The following PRKCA variants were observed in gnomAD, a reference collection of about 807,000 sequenced individuals.
The protein encoded by PRKCA is protein kinase C alpha type.
PRKCA carries 27 observed loss-of-function variants against 87.0 expected under a neutral mutation model. The ratio of observed to expected loss-of-function variants is 0.31; its 90% confidence interval spans 0.23 to 0.43. The LOEUF is 0.43. Among genes scored for constraint, PRKCA ranks in the 20% least tolerant of loss-of-function variants. The pLI is 1.00. For synonymous variants in PRKCA, 329 were observed against 311.1 expected (o/e 1.06, Z -0.61); for missense variants, 518 against 852.3 (o/e 0.61, Z 4.88).
intron 2 of PRKCA, among the ~76,000 whole-genome samples, chr17:66,482,844 C>T (rs1438605571): frequency 6.6e-6 from 1 of 152,224 alleles, no homozygotes; most frequent in Non-Finnish European, 1.5e-5. Context: ...ACTAATGCCT[C>T]AGATGTTTTT....
intron 2 of PRKCA, among the ~76,000 whole-genome samples, chr17:66,453,458 C>T (rs1206430490): frequency 6.6e-6 from 1 of 152,042 alleles, no homozygotes; most frequent in African/African-American, 2.4e-5. Flanking sequence ...GCTGAGATTA[C>T]AGGCGCCCGC....
intron 2 of PRKCA, among the ~76,000 whole-genome samples, chr17:66,370,988 T>A (rs990416712): frequency 2.0e-5 from 3 of 152,178 alleles, no homozygotes; most frequent in Non-Finnish European, 4.4e-5. Flanking sequence ...CCTGTAGCAT[T>A]TCTCCTTAGT....
intron 5 of PRKCA, among the ~76,000 whole-genome samples, chr17:66,663,721 G>A (rs754606017): frequency 3.3e-5 from 5 of 152,152 alleles, no homozygotes; most frequent in Admixed American, 1.3e-4. Flanking sequence ...TACAAATGGA[G>A]CAATTTTCTT....
At chr17:66,336,702 GT>G (rs1310077029) in intron 2 of PRKCA, among the ~76,000 whole-genome samples, 2 of 86,096 alleles carry the variant, frequency 2.3e-5, no homozygotes, top group Non-Finnish European at 6.3e-5. Context: ...CATATATAAT[GT>G]TTTACCCTTC....
chr17:66,410,926 G>A (rs768844141), intron 2 of PRKCA, among the ~76,000 whole-genome samples: 6 of 152,080 alleles, frequency 3.9e-5, no homozygotes, highest in East Asian at 1.9e-4. Flanking sequence ...TCATGTGTGC[G>A]CTCTACTCTG....
rs1555612345 is a variant in PRKCA at position 66,509,174 on chromosome 17, GTGTA to G, written c.288+12895_288+12898del. On this transcript the variant is annotated intron_variant, in intron 3 of 16. Coordinates refer to ENST00000413366, the MANE Select transcript of PRKCA (RefSeq NM_002737.3). ...CCAGAGAAAAGGAACGTGTGTGTGT[GTGTA>G]TGTGTGTGTGTGTGTGTGTGTGTGT... Among the ~76,000 whole-genome samples the G allele has an allele frequency of 1.2e-4, 14 of 120,986 alleles. 1 individual carries two copies. The highest frequency in any genetic ancestry group is 5.6e-4 in the South Asian group (2 of 3,598). The allele number at this position is 120,986 out of a possible 152,430, so 79.4% of individuals were successfully genotyped here. A position where few individuals can be genotyped will look rare whatever the true frequency, so the allele number is the denominator to read the frequency against.
chr17:66,682,709 G>T (rs768180866), intron 5 of PRKCA, among the ~76,000 whole-genome samples: 2 of 147,240 alleles, frequency 1.4e-5, no homozygotes, highest in Admixed American at 6.6e-5. Context: ...GTGTGATTTT[G>T]TTGTTGTTGT....
Position 66,726,618 on chromosome 17 carries a change from G to A in PRKCA, c.919-6070G>A, listed in dbSNP as rs561117337. Among the ~76,000 whole-genome samples, 29 of 152,266 alleles carry A rather than the reference G, an allele frequency of 1.9e-4. No homozygotes were observed. In the South Asian group the frequency reaches 5.8e-3, roughly 31 times the overall value. ...TGGGACCGAGGCGGAGGGAGTGGTG[G>A]GAAATAAGCCGAGAGACAGAGCAGA... On this transcript the variant is annotated intron_variant, in intron 8 of 16. Transcript: ENST00000413366.
intron 3 of PRKCA, among the ~76,000 whole-genome samples, chr17:66,634,364 C>T (rs2143763863): frequency 6.6e-6 from 1 of 152,260 alleles, no homozygotes. Context: ...AATATAATGT[C>T]AGGCTTGTGA....
At chr17:66,801,963 G>C (rs1247366546) in intron 16 of PRKCA, among the ~76,000 whole-genome samples, 1 of 152,206 alleles carries the variant, frequency 6.6e-6, no homozygotes, top group Non-Finnish European at 1.5e-5. Flanking sequence ...GCTCACACCT[G>C]TAATCCCAGT....
intron 8 of PRKCA, among the ~76,000 whole-genome samples, chr17:66,713,188 A>T (rs143285178): frequency 6.6e-6 from 1 of 151,256 alleles, no homozygotes; most frequent in African/African-American, 2.4e-5. Flanking sequence ...AGTAGCTGGG[A>T]CTACAGGCAC....
chr17:66,512,544 C>T (rs1917285110), intron 3 of PRKCA, among the ~76,000 whole-genome samples: 1 of 151,698 alleles, frequency 6.6e-6, no homozygotes, highest in South Asian at 2.1e-4. Flanking sequence ...GATCTGGCTC[C>T]TGCACACCTC....
chr17:66,386,328 C>T (rs949527464), intron 2 of PRKCA, among the ~76,000 whole-genome samples: 2 of 152,238 alleles, frequency 1.3e-5, no homozygotes, highest in East Asian at 1.9e-4. Context: ...TTAAGCAGAG[C>T]CCAGTTGATG....
intron 2 of PRKCA, among the ~76,000 whole-genome samples, chr17:66,384,376 G>A (rs1318791879): frequency 6.6e-6 from 1 of 152,054 alleles, no homozygotes; most frequent in Non-Finnish European, 1.5e-5. Context: ...ACAGGGCTTT[G>A]GAAACTCATT....
intron 5 of PRKCA, among the ~76,000 whole-genome samples, chr17:66,663,271 T>G (rs1034333003): frequency 6.6e-6 from 1 of 152,206 alleles, no homozygotes; most frequent in Admixed American, 6.5e-5. Context: ...CGTCGTCTCT[T>G]AGGGTGATTC....
chr17:66,798,058 G>A (rs907566523), intron 16 of PRKCA, among the ~76,000 whole-genome samples: 2 of 152,202 alleles, frequency 1.3e-5, no homozygotes, highest in African/African-American at 4.8e-5. Context: ...TGGAGGTGGT[G>A]ATCCACCTGC....
intron 16 of PRKCA, among the ~76,000 whole-genome samples, chr17:66,789,297 C>T (rs986448563): frequency 3.9e-5 from 6 of 152,216 alleles, no homozygotes; most frequent in East Asian, 1.9e-4. Flanking sequence ...TTTGTGGACT[C>T]GCACCCAGCA....
At chr17:66,725,846 T>G (rs1357640230) in intron 8 of PRKCA, among the ~76,000 whole-genome samples, 1 of 151,560 alleles carries the variant, frequency 6.6e-6, no homozygotes, top group Non-Finnish European at 1.5e-5. Context: ...GAATGTGTGT[T>G]AAGTTCCCCA....
chr17:66,713,902 G>A (rs1469344864), intron 8 of PRKCA, among the ~76,000 whole-genome samples: 3 of 152,200 alleles, frequency 2.0e-5, no homozygotes, highest in Non-Finnish European at 4.4e-5. Context: ...GCTCAGAGCT[G>A]ATGGTTTGGG....
Sources: allele counts gnomAD v4.1 joint callset (sites outside exome capture counted in the v4.1 genomes callset), GRCh38; gene constraint gnomAD v4.1.1; transcripts MANE v1.5; gene names NCBI Gene and HGNC (gene_info 2026-07-23, HGNC 2026-07-21).